NBEAL1: variants seen among roughly 807,000 people sequenced by gnomAD.
The protein encoded by NBEAL1 is neurobeachin like 1, also known as neurobeachin-like protein 1.
Under a neutral mutation model 351.3 loss-of-function variants are expected in NBEAL1, and 273 were observed. The ratio of observed to expected loss-of-function variants is 0.78; its 90% CI spans 0.70 to 0.86. The LOEUF is 0.86. Among genes scored for constraint, NBEAL1 ranks in the 40% least tolerant of loss-of-function variants. The pLI, the probability that NBEAL1 is intolerant of heterozygous loss-of-function variation, is 0.00. For missense variants in NBEAL1, 2,961 were observed against 3,201.3 expected (o/e 0.92, Z 1.81); for synonymous variants, 1,050 against 1,086.4 (o/e 0.97, Z 0.66).
intron 43 of NBEAL1, chr2:203,181,659 A>T (rs1333790395): frequency 6.6e-6 from 1 of 152,142 alleles, no homozygotes; most frequent in African/African-American, 2.4e-5. Flanking sequence ...TTAGTGTTTG[A>T]CCCTTCATTT....
intron 43 of NBEAL1, chr2:203,182,882 A>C (rs10165647): frequency 0.89 from 136,196 of 153,718 alleles, 61,419 homozygotes; most frequent in Non-Finnish European, 0.96. Flanking sequence ...CATCAGACAA[A>C]TATAACTCTT....
intron 35 of NBEAL1, among the ~76,000 whole-genome samples, chr2:203,154,535 C>T (rs2063748153): frequency 6.6e-6 from 1 of 151,964 alleles, no homozygotes; most frequent in African/African-American, 2.4e-5. Flanking sequence ...TTATAAGCAA[C>T]CCATTGCAGA....
At chr2:203,099,606 T>C in intron 11 of NBEAL1, 23 bp from the exon 12 acceptor site, 1 of 1,474,152 alleles carries the variant, frequency 6.8e-7, no homozygotes, top group South Asian at 1.3e-5. Flanking sequence ...GTTAATTTCT[T>C]GTTTCCCCTT....
chr2:203,201,868 A>G (rs1400853169), intron 50 of NBEAL1, among the ~76,000 whole-genome samples, 153 bp downstream of exon 50: 3 of 152,106 alleles, frequency 2.0e-5, no homozygotes, highest in African/African-American at 7.2e-5. Context: ...TATACTTTCT[A>G]TAGGAGTGTC....
chr2:203,129,019 TTC>T (rs2106291882), intron 24 of NBEAL1, among the ~76,000 whole-genome samples: 1 of 152,342 alleles, frequency 6.6e-6, no homozygotes, highest in African/African-American at 2.4e-5. Flanking sequence ...AAGTTAGTGG[TTC>T]TCTTTGTTTG....
chr2:203,147,859 T>C (rs1390871204), intron 33 of NBEAL1, among the ~76,000 whole-genome samples: 4 of 152,018 alleles, frequency 2.6e-5, no homozygotes, highest in Admixed American at 6.6e-5. Context: ...TTATGATAAA[T>C]ACTGTTATAT....
rs201425127 is a variant in NBEAL1, at chr2:203,211,083, C to T, written c.7911C>T (p.Phe2637=). 1.4e-4 allele frequency: 221 copies of T among 1,602,406 alleles called. No homozygotes were observed. Among genetic ancestry groups the T allele is most frequent in the Non-Finnish European group, 3.2e-5 (38 of 1,174,416 alleles). ...TTGTCACAGGCAGCATACAAGGATT[C>T]CTGTCTATAAGAGATCTCCACAGGT... ...EHIVTGSIQG[F]LSIRDLHSLN... Residue 2637 remains phenylalanine, a synonymous_variant, in exon 54 of 56, where the codon TTC becomes TTT. Transcript: ENST00000683969.
chr2:203,123,135 G>GAA (rs1491513682), intron 19 of NBEAL1, among the ~76,000 whole-genome samples: 1 of 9,750 alleles, frequency 1.0e-4, no homozygotes. Context: ...TGGTAAATCA[G>GAA]GAAAAAAAAA....
intron 12 of NBEAL1, among the ~76,000 whole-genome samples, chr2:203,102,560 A>G (rs2106217703): frequency 6.6e-6 from 1 of 152,232 alleles, no homozygotes; most frequent in Non-Finnish European, 1.5e-5. Context: ...TTCTATTGAG[A>G]TAATCTTGTG....
intron 15 of NBEAL1, 40 bp from the exon 16 acceptor site, chr2:203,111,939 A>C: frequency 6.5e-7 from 1 of 1,532,162 alleles, no homozygotes; most frequent in Non-Finnish European, 8.8e-7. Flanking sequence ...CAAAGACATA[A>C]TGTAATTTTA....
At chr2:203,086,514 A>C (rs1053549708) in intron 10 of NBEAL1, among the ~76,000 whole-genome samples, 3 of 152,198 alleles carry the variant, frequency 2.0e-5, no homozygotes, top group Non-Finnish European at 4.4e-5. Context: ...AAAATGGAAC[A>C]GTTCATCCCC....
rs186225502 is a variant in NBEAL1 at position 203,116,900 on chromosome 2, G to A, written c.2592+830G>A. Among the ~76,000 whole-genome samples the A allele has an allele frequency of 2.6e-3, 396 of 151,638 alleles. 4 individuals are homozygous for A. Among genetic ancestry groups the A allele is most frequent in the African/African-American group, 9.2e-3 (381 of 41,320 alleles). ...GCGGATCACCTGAGGTCAGGAGTTC[G>A]AGACCAACTTGGCCAACATAGTGAA... On this transcript the variant is annotated intron_variant, in intron 18 of 55. Transcript: ENST00000683969.
At chr2:203,072,344 T>C (rs2061697031) in intron 7 of NBEAL1, among the ~76,000 whole-genome samples, 1 of 152,112 alleles carries the variant, frequency 6.6e-6, no homozygotes, top group African/African-American at 2.4e-5. Flanking sequence ...CCACTAGTTA[T>C]ACCCATGGTC....
Position 203,144,752 on chromosome 2 carries a change from C to A in NBEAL1, c.5001C>A (p.Pro1667=), listed in dbSNP as rs755392566. ...CTGAAATCTACTCATTTCTGATTCC[C>A]CTTGTTCGTACCCTGGTTTCCAAAA... ...EQTEIYSFLI[P]LVRTLVSKIY... is the part of the protein sequence containing the mutation. The change falls in exon 32 of 56, where the codon CCC becomes CCA. Residue 1667 remains proline (P), a synonymous_variant. Coordinates refer to ENST00000683969, the MANE Select transcript of NBEAL1 (RefSeq NM_001378026.1). 26 of 1,613,976 alleles carry A rather than the reference C, an allele frequency of 1.6e-5. No homozygotes were observed. Among genetic ancestry groups the A allele is most frequent in the African/African-American group, 6.7e-5 (5 of 74,904 alleles).
At chr2:203,145,740 G>A (rs909570937) in intron 33 of NBEAL1, among the ~76,000 whole-genome samples, 4 of 145,046 alleles carry the variant, frequency 2.8e-5, no homozygotes, top group African/African-American at 1.0e-4. Context: ...AGAGGTTGCA[G>A]TGAGCAGAGA....
intron 3 of NBEAL1, among the ~76,000 whole-genome samples, chr2:203,043,818 C>T (rs2061184056): frequency 6.6e-6 from 1 of 151,298 alleles, no homozygotes; most frequent in Non-Finnish European, 1.5e-5. Context: ...CTTAAATCTT[C>T]AAGGAGGAAA....
intron 55 of NBEAL1, 61 bp from the exon 56 acceptor site, chr2:203,217,192 T>G: frequency 8.0e-7 from 1 of 1,255,190 alleles, no homozygotes; most frequent in Non-Finnish European, 1.1e-6. Context: ...GTGTCTTACA[T>G]ATCTTTTTTT....
chr2:203,153,334 GT>G (rs1316612565), intron 35 of NBEAL1, among the ~76,000 whole-genome samples: 1 of 147,460 alleles, frequency 6.8e-6, no homozygotes, highest in African/African-American at 2.5e-5. Flanking sequence ...TAGAGACAAG[GT>G]CTCACCATAT....
intron 53 of NBEAL1, 23 bp from the exon 54 acceptor site, chr2:203,210,935 G>A (rs752641704): frequency 4.4e-5 from 64 of 1,463,694 alleles, no homozygotes; most frequent in Non-Finnish European, 5.8e-5. Context: ...TGAAATTGTT[G>A]AATTTTCCTT....
Sources: gnomAD v4.1 joint callset for allele counts (sites outside exome capture counted in the v4.1 genomes callset) on GRCh38, gnomAD v4.1.1 for gene constraint, MANE v1.5 for transcripts, NCBI Gene and HGNC (gene_info 2026-07-23, HGNC 2026-07-21) for gene names.